Variants in AP3B1 observed in about 807,000 individuals in gnomAD.
The protein encoded by AP3B1 is adaptor related protein complex 3 subunit beta 1.
A neutral mutation model predicts 132.5 loss-of-function variants in AP3B1; 61 were observed. The observed-to-expected ratio is 0.46, with a 90% CI of 0.37 to 0.57. The LOEUF is 0.57. Ranked by LOEUF, AP3B1 falls within the 20% of genes least tolerant of loss-of-function variation. AP3B1 has a pLI of 0.00. For synonymous variants in AP3B1, 388 were observed against 438.3 expected, an observed-to-expected ratio of 0.89 and a Z score of 1.43; for missense variants, 1,120 against 1,289.4, an observed-to-expected ratio of 0.87 and a Z score of 2.01.
intron 18 of AP3B1, 34 bp downstream of exon 18, chr5:78,116,092 T>C (rs1414808608): frequency 6.9e-7 from 1 of 1,448,488 alleles, no homozygotes; most frequent in Non-Finnish European, 9.7e-7. Flanking sequence ...ATCTACTATG[T>C]AAATAATATA....
chr5:78,001,956 T>C (rs984046442), downstream of AP3B1: 3 of 152,234 alleles, frequency 2.0e-5, no homozygotes, highest in African/African-American at 7.2e-5. Flanking sequence ...ATATAACTAG[T>C]TTTAAACATT....
At chr5:78,209,553 C>T (rs946242928) in intron 7 of AP3B1, among the ~76,000 whole-genome samples, 5 of 152,186 alleles carry the variant, frequency 3.3e-5, no homozygotes, top group African/African-American at 1.2e-4. Flanking sequence ...GTGCATCTTA[C>T]AGGTATTGAC....
intron 22 of AP3B1, among the ~76,000 whole-genome samples, chr5:78,081,896 T>C (rs1489617422): frequency 7.3e-6 from 1 of 137,582 alleles, no homozygotes; most frequent in Non-Finnish European, 1.6e-5. Flanking sequence ...TATGAATTCT[T>C]TGCAATAAAA....
chr5:78,157,439 AG>A (rs1294676224), intron 13 of AP3B1, among the ~76,000 whole-genome samples: 1 of 152,230 alleles, frequency 6.6e-6, no homozygotes, highest in Non-Finnish European at 1.5e-5. Context: ...GGAGGTGGAT[AG>A]GAAGTAGATC....
intron 12 of AP3B1, among the ~76,000 whole-genome samples, chr5:78,164,699 A>C (rs1743536030): frequency 6.6e-6 from 1 of 152,152 alleles, no homozygotes; most frequent in Admixed American, 6.5e-5. Context: ...ACAACATAAA[A>C]GTGGAGTAAT....
chr5:78,172,934 G>A (rs946338286), intron 11 of AP3B1, among the ~76,000 whole-genome samples: 5 of 152,140 alleles, frequency 3.3e-5, no homozygotes, highest in Non-Finnish European at 5.9e-5. Context: ...TGCTTTAAAT[G>A]TGTCCCAGAG....
chr5:78,089,952 T>C (rs1750439397), intron 21 of AP3B1, among the ~76,000 whole-genome samples: 1 of 152,342 alleles, frequency 6.6e-6, no homozygotes, highest in Non-Finnish European at 1.5e-5. Flanking sequence ...CTAATTCCCT[T>C]GTAATTATAC....
At chr5:78,114,202 A>G (rs1210316089) in intron 18 of AP3B1, among the ~76,000 whole-genome samples, 1 of 152,180 alleles carries the variant, frequency 6.6e-6, no homozygotes, top group African/African-American at 2.4e-5. Context: ...AGGGAATCTC[A>G]CTTCAAACCC....
chr5:78,145,717 C>T (rs1039349260), intron 14 of AP3B1, among the ~76,000 whole-genome samples: 2 of 152,186 alleles, frequency 1.3e-5, no homozygotes, highest in Non-Finnish European at 2.9e-5. Flanking sequence ...TGCCATTTCC[C>T]CAAGAGCCAG....
At chr5:78,228,685 C>T (rs955625688) in intron 3 of AP3B1, among the ~76,000 whole-genome samples, 1 of 152,130 alleles carries the variant, frequency 6.6e-6, no homozygotes, top group Admixed American at 6.5e-5. Context: ...AGAGACCCTA[C>T]CTCTTTAAAA....
At chr5:78,007,610 G>A (rs1452998455) in intron 26 of AP3B1, among the ~76,000 whole-genome samples, 1 of 152,164 alleles carries the variant, frequency 6.6e-6, no homozygotes, top group Non-Finnish European at 1.5e-5. Context: ...TTATATGTAA[G>A]AAATACTGGT....
chr5:78,162,365 T>A (rs1282326710), intron 13 of AP3B1, among the ~76,000 whole-genome samples: 1 of 152,132 alleles, frequency 6.6e-6, no homozygotes, highest in Non-Finnish European at 1.5e-5. Flanking sequence ...TATAATTAGG[T>A]GAATTTCTGA....
intron 1 of AP3B1, among the ~76,000 whole-genome samples, chr5:78,268,024 T>C (rs561463288): frequency 7.9e-5 from 12 of 152,254 alleles, no homozygotes; most frequent in Non-Finnish European, 1.6e-4. Context: ...TTAAATGCAA[T>C]GGTGACCAGT....
At chr5:78,193,715 C>G (rs1744936112) in intron 7 of AP3B1, among the ~76,000 whole-genome samples, 1 of 129,248 alleles carries the variant, frequency 7.7e-6, no homozygotes, top group Admixed American at 8.8e-5. Flanking sequence ...TATATATTTA[C>G]ATATTTTTAA....
At chr5:78,161,871 T>C (rs72776454) in intron 13 of AP3B1, among the ~76,000 whole-genome samples, 27,828 of 151,888 alleles carry the variant, frequency 0.18, 2,821 homozygotes, top group Admixed American at 0.27. Flanking sequence ...TAAAGATATC[T>C]ACATGTGGGA....
intron 22 of AP3B1, among the ~76,000 whole-genome samples, chr5:78,061,481 A>C (rs1400571081): frequency 6.6e-6 from 1 of 152,232 alleles, no homozygotes; most frequent in East Asian, 1.9e-4. Context: ...CAGAAGGTAC[A>C]AGACTAAGTT....
At chr5:78,116,506 A>T (rs1751834498) in intron 17 of AP3B1, among the ~76,000 whole-genome samples, 1 of 152,176 alleles carries the variant, frequency 6.6e-6, no homozygotes. Flanking sequence ...CCCACAGAAG[A>T]TTTAAACAAA....
In AP3B1 at chr5:78,141,207, T is replaced by A; in HGVS notation, c.1586A>T (p.Asp529Val). ...RKMAKSFTSE[D>V]DLVKLQILNL... ...TAATATCTGCAGTTTTACCAGATCA[T>A]CTTCACTAGTGAAGCTTTTAGCCAT... Residue 529 changes from aspartate (D) to valine (V), a missense_variant, in exon 15 of 27, where the codon GAT becomes GTT. Physicochemically the swap from Asp to Val is radical, Grantham distance 152. Coordinates refer to ENST00000255194, the MANE Select transcript of AP3B1 (RefSeq NM_003664.5). 1.9e-6 allele frequency: 3 copies of A among 1,613,820 alleles called. No individual in the cohort carries two copies. Among genetic ancestry groups the A allele is most frequent in the Non-Finnish European group, 2.5e-6 (3 of 1,179,754 alleles).
chr5:78,168,020 AAAAAAAAAC>A (rs1743725174), intron 11 of AP3B1, among the ~76,000 whole-genome samples: 2 of 151,316 alleles, frequency 1.3e-5, no homozygotes, highest in South Asian at 2.1e-4. Context: ...ACTGAAAAAA[AAAAAAAAAC>A]AAAAAAAATA....
Sources: allele counts gnomAD v4.1 joint callset (sites outside exome capture counted in the v4.1 genomes callset), GRCh38; gene constraint gnomAD v4.1.1; transcripts MANE v1.5; gene names NCBI Gene and HGNC (gene_info 2026-07-23, HGNC 2026-07-21).